The following RALGPS1 variants were observed in gnomAD, a reference collection of about 807,000 sequenced individuals.
RALGPS1 encodes Ral GEF with PH domain and SH3 binding motif 1.
RALGPS1 carries 19 observed loss-of-function variants against 78.8 expected under a neutral mutation model. The observed-to-expected ratio is 0.24, with a 90% confidence interval of 0.17 to 0.35. The LOEUF (loss-of-function observed/expected upper bound fraction) is 0.35. Ranked by LOEUF, RALGPS1 falls within the 10% of genes least tolerant of loss-of-function variation. The pLI is 1.00. For synonymous variants in RALGPS1, 228 were observed against 256.3 expected, an observed-to-expected ratio of 0.89 and a Z score of 1.06; for missense variants, 454 against 688.3, an observed-to-expected ratio of 0.66 and a Z score of 3.81.
intron 8 of RALGPS1, among the ~76,000 whole-genome samples, chr9:127,097,842 A>C (rs61152674): frequency 6.6e-6 from 1 of 152,132 alleles, no homozygotes; most frequent in Non-Finnish European, 1.5e-5. Flanking sequence ...CTTGGCTCCA[A>C]TCTCGATGGC....
chr9:126,921,352 C>T (rs1345768658), intron 1 of RALGPS1, among the ~76,000 whole-genome samples: 3 of 152,182 alleles, frequency 2.0e-5, no homozygotes, highest in Admixed American at 6.5e-5. Context: ...CCACTTTCTG[C>T]GTGAGCTCTT....
chr9:127,007,212 C>T (rs975085275), intron 4 of RALGPS1, among the ~76,000 whole-genome samples: 1 of 152,182 alleles, frequency 6.6e-6, no homozygotes, highest in African/African-American at 2.4e-5. Flanking sequence ...TATAAAGTTG[C>T]TGTACTTAAA....
rs1010881967 is a variant in RALGPS1, at chr9:127,160,352, C to T, written c.611-5717C>T. 7.9e-5 allele frequency among the ~76,000 whole-genome samples: 12 copies of T among 152,340 alleles called. No individual in the cohort carries two copies. In the South Asian group the frequency reaches 1.7e-3, roughly 21 times the overall value. On this transcript the variant is annotated intron_variant, in intron 8 of 18. Transcript: ENST00000259351. ...CACTGTCAAGAAGCAGGTTTGGCCACCTGCCCCTTGTGTTGAGGCCAGCCC... is the reference window on the plus strand; with the variant it reads ...CACTGTCAAGAAGCAGGTTTGGCCATCTGCCCCTTGTGTTGAGGCCAGCCC...
chr9:126,982,415 G>A (rs548230951), intron 4 of RALGPS1, among the ~76,000 whole-genome samples: 149 of 152,304 alleles, frequency 9.8e-4, no homozygotes, highest in African/African-American at 3.3e-3. Context: ...AGTGGTGATA[G>A]GAAGAGTACC....
At chr9:127,200,824 C>T (rs1001149858) in intron 14 of RALGPS1, among the ~76,000 whole-genome samples, 5 of 152,224 alleles carry the variant, frequency 3.3e-5, no homozygotes, top group African/African-American at 1.2e-4. Context: ...CCAGCACCTC[C>T]CCTGGCCTCA....
rs1338068448 is a variant in RALGPS1, at chr9:127,183,498, C to T, written c.910+8716C>T. ...ACAGGAGGCCGTACCTGTCCTCATT[C>T]TAACAGACCTGTGAGCACAACAGAC... On this transcript the variant is annotated intron_variant, in intron 11 of 18. Transcript: ENST00000259351. This position sits in a 1 kb window ranked among gnomAD's most constrained non-coding sequence, Gnocchi z 4.0. Among the ~76,000 whole-genome samples the T allele has an allele frequency of 6.6e-6, 1 of 152,190 alleles. No homozygotes were observed. Among genetic ancestry groups the T allele is most frequent in the East Asian group, 1.9e-4 (1 of 5,176 alleles).
At chr9:127,006,451 G>T (rs557305521) in intron 4 of RALGPS1, among the ~76,000 whole-genome samples, 20 of 152,320 alleles carry the variant, frequency 1.3e-4, no homozygotes, top group African/African-American at 9.6e-5. Context: ...TTGGGAGTCT[G>T]GGTTTTCAAG....
chr9:126,964,333 C>T (rs1039542358), intron 2 of RALGPS1, among the ~76,000 whole-genome samples: 3 of 146,274 alleles, frequency 2.1e-5, no homozygotes, highest in Non-Finnish European at 4.5e-5. Flanking sequence ...CACAGCACTG[C>T]ACTTTTGCCC....
chr9:126,934,460 G>A (rs1355533566), intron 1 of RALGPS1, among the ~76,000 whole-genome samples: 1 of 152,168 alleles, frequency 6.6e-6, no homozygotes, highest in Non-Finnish European at 1.5e-5. Flanking sequence ...GCACCCACAG[G>A]TATATACTGG....
chr9:127,126,081 C>T (rs2056593566), intron 8 of RALGPS1, among the ~76,000 whole-genome samples: 1 of 152,040 alleles, frequency 6.6e-6, no homozygotes, highest in South Asian at 2.1e-4. Flanking sequence ...CTTGCATTCT[C>T]AGAGTGCCAC....
At chr9:127,051,491 C>G (rs2048303613) in intron 6 of RALGPS1, among the ~76,000 whole-genome samples, 1 of 152,136 alleles carries the variant, frequency 6.6e-6, no homozygotes. Context: ...TTTCCAGAGC[C>G]CTTTCAGCTC....
intron 8 of RALGPS1, among the ~76,000 whole-genome samples, chr9:127,126,556 G>A (rs1359976947): frequency 2.0e-5 from 3 of 152,014 alleles, no homozygotes; most frequent in Non-Finnish European, 4.4e-5. Flanking sequence ...ATCTTTTCTT[G>A]TCTCATGCTT....
chr9:127,194,948 T>A, intron 11 of RALGPS1, 143 bp from the exon 12 acceptor site: 1 of 933,134 alleles, frequency 1.1e-6, no homozygotes, highest in South Asian at 1.5e-5. Flanking sequence ...ACAGAGCTCA[T>A]ATGAACCTTG....
intron 8 of RALGPS1, among the ~76,000 whole-genome samples, chr9:127,109,486 G>C (rs1170447721): frequency 6.6e-6 from 1 of 152,252 alleles, no homozygotes; most frequent in Non-Finnish European, 1.5e-5. Context: ...CTAAGCTACA[G>C]AGCCAAAACA....
intron 12 of RALGPS1, among the ~76,000 whole-genome samples, 159 bp from the exon 13 acceptor site, chr9:127,196,315 G>T (rs957277443): frequency 9.9e-5 from 15 of 152,238 alleles, no homozygotes; most frequent in Non-Finnish European, 1.8e-4. Flanking sequence ...CTTGCCCAAG[G>T]TCATGGCATG....
intron 1 of RALGPS1, among the ~76,000 whole-genome samples, chr9:126,953,022 C>T (rs1175528389): frequency 6.6e-6 from 1 of 152,100 alleles, no homozygotes; most frequent in African/African-American, 2.4e-5. Context: ...GAAACAACCT[C>T]CTTAAGCTGG....
chr9:127,204,767 G>GAGGC (rs1490896383), intron 14 of RALGPS1, among the ~76,000 whole-genome samples: 2 of 152,228 alleles, frequency 1.3e-5, no homozygotes, highest in Non-Finnish European at 1.5e-5. Flanking sequence ...CATCCTTAGG[G>GAGGC]AGGCACCAGG....
chr9:127,174,600 G>A, intron 10 of RALGPS1, 115 bp from the exon 11 acceptor site: 1 of 876,022 alleles, frequency 1.1e-6, no homozygotes, highest in Admixed American at 1.8e-5. Flanking sequence ...GTGATCTGGA[G>A]CAGATCTCAC....
At chr9:127,024,777 T>A (rs144284409) in intron 4 of RALGPS1, among the ~76,000 whole-genome samples, 1 of 152,298 alleles carries the variant, frequency 6.6e-6, no homozygotes, top group East Asian at 1.9e-4. Context: ...TTTTTATATT[T>A]CCCCAGAGGC....
Sources: allele counts gnomAD v4.1 joint callset (sites outside exome capture counted in the v4.1 genomes callset), GRCh38; gene constraint gnomAD v4.1.1; non-coding constraint Gnocchi (gnomAD v3.1); transcripts MANE v1.5; gene names NCBI Gene and HGNC (gene_info 2026-07-23, HGNC 2026-07-21).